Variants in DTX1 observed in about 807,000 individuals in gnomAD.
DTX1 encodes deltex E3 ubiquitin ligase 1, also known as E3 ubiquitin-protein ligase DTX1.
Under a neutral mutation model 57.8 loss-of-function variants are expected in DTX1, and 26 were observed. That is an observed-to-expected ratio of 0.45 (90% confidence interval 0.33 to 0.62). DTX1 has a LOEUF of 0.62. DTX1 is among the 20% of genes least tolerant of loss of function. The pLI is 0.02. For missense variants in DTX1, 704 were observed against 895.3 expected (o/e 0.79, Z 2.73); for synonymous variants, 398 against 394.1 (o/e 1.01, Z -0.12).
At chr12:113,078,311 A>T (rs76129420) in intron 3 of DTX1, among the ~76,000 whole-genome samples, 13,156 of 152,232 alleles carry the variant, frequency 0.086, 1,541 homozygotes, top group African/African-American at 0.26. Context: ...TCCATGCATA[A>T]GGACCCTATG....
intron 2 of DTX1, among the ~76,000 whole-genome samples, chr12:113,076,256 C>T (rs541246869): frequency 4.6e-4 from 69 of 151,124 alleles, no homozygotes; most frequent in African/African-American, 1.6e-3. Flanking sequence ...GTCAGGAGTT[C>T]GAGACCAGCC....
At chr12:113,082,119 C>T (rs2044822601) in intron 3 of DTX1, among the ~76,000 whole-genome samples, 1 of 152,180 alleles carries the variant, frequency 6.6e-6, no homozygotes, top group African/African-American at 2.4e-5. Context: ...TGCCCCTCCC[C>T]TTGGGGACTG....
chr12:113,080,559 A>G (rs1047528486), intron 3 of DTX1, among the ~76,000 whole-genome samples: 7 of 151,526 alleles, frequency 4.6e-5, no homozygotes, highest in African/African-American at 1.7e-4. Flanking sequence ...AAAAGAAATC[A>G]GAAGGTTGTA....
At chr12:113,091,279 A>G (rs1272273306) in intron 3 of DTX1, among the ~76,000 whole-genome samples, 1 of 152,142 alleles carries the variant, frequency 6.6e-6, no homozygotes, top group Non-Finnish European at 1.5e-5. Flanking sequence ...TCCCTGGAAT[A>G]TGTGAGTGTG....
chr12:113,084,163 G>A (rs897722040), intron 3 of DTX1, among the ~76,000 whole-genome samples: 9 of 152,204 alleles, frequency 5.9e-5, no homozygotes. Context: ...GTAACAGACA[G>A]GGCGGGGAGC....
Position 113,095,071 on chromosome 12 carries a change from G to A in DTX1, c.1416G>A (p.Lys472=). ...GCAGCCTGCAGTGCCCCACCTGCAA[G>A]GCCATCTACGGGGAGAAGACGGGTA... ...KDGSLQCPTC[K]AIYGEKTGTQ... Residue 472 remains lysine (K), a synonymous_variant, in exon 8 of 10, where the codon AAG becomes AAA. Transcript: ENST00000548759. The A allele has an allele frequency of 6.2e-7, 1 of 1,613,088 alleles. No homozygotes were observed. The highest frequency in any genetic ancestry group is 8.5e-7 in the Non-Finnish European group (1 of 1,179,136).
intron 2 of DTX1, among the ~76,000 whole-genome samples, chr12:113,072,780 T>G (rs956499803): frequency 6.9e-6 from 1 of 144,672 alleles, no homozygotes; most frequent in African/African-American, 2.5e-5. Context: ...CTCAGCTCAC[T>G]GCAACCTCTG....
chr12:113,077,100 C>A lies in DTX1; in HGVS notation c.260-324C>A, dbSNP rs896373267. ...CACCCCCACCCTGTTTGGTGGCTCT[C>A]CCGCCCCTACGCCCAATCTACTGAC... On this transcript the variant is annotated intron_variant, in intron 2 of 9. Transcript: ENST00000548759. The surrounding 1 kb of genome is among the most constrained non-coding windows in gnomAD (Gnocchi z 7.8). 5.3e-5 allele frequency among the ~76,000 whole-genome samples: 8 copies of A among 152,092 alleles called. No individual in the cohort carries two copies. Among genetic ancestry groups the A allele is most frequent in the Admixed American group, 3.9e-4 (6 of 15,278 alleles).
Position 113,095,345 on chromosome 12 carries a change from C to T in DTX1, c.1569C>T (p.Pro523=), listed in dbSNP as rs61758446. The T allele has an allele frequency of 0.014, 22,649 of 1,614,192 alleles. 400 individuals carry two copies. Among genetic ancestry groups the T allele is most frequent in the South Asian group, 0.056 (5,132 of 91,080 alleles). Residue 523 remains proline (P), a synonymous_variant, in exon 9 of 10, where the codon CCC becomes CCT. Coordinates refer to ENST00000548759, the MANE Select transcript of DTX1 (RefSeq NM_004416.3). ...TGIQGPEHPN[P]GKKFTARGFP... ...TGCAGGGCCCTGAGCACCCCAACCC[C>T]GGGAAGAAGTTCACCGCAAGAGGAT...
chr12:113,073,697 G>A (rs950541929), intron 2 of DTX1, among the ~76,000 whole-genome samples: 2 of 152,188 alleles, frequency 1.3e-5, no homozygotes, highest in Non-Finnish European at 2.9e-5. Flanking sequence ...CCCTGAGTAG[G>A]GACACACCAG....
chr12:113,087,972 TG>T (rs2044874950), intron 3 of DTX1, among the ~76,000 whole-genome samples: 1 of 152,130 alleles, frequency 6.6e-6, no homozygotes, highest in Admixed American at 6.5e-5. Context: ...TAGACAGCCC[TG>T]ATCTACCCTG....
chr12:113,096,457 A>AAAAAAG (rs1566022918), intron 9 of DTX1, among the ~76,000 whole-genome samples: 53 of 146,940 alleles, frequency 3.6e-4, no homozygotes, highest in African/African-American at 1.3e-3. Context: ...AAAAAAAAAA[A>AAAAAAG]AAAAAGAAAA....
At chr12:113,071,324 C>CA (rs2044736671) in intron 2 of DTX1, among the ~76,000 whole-genome samples, 1 of 152,262 alleles carries the variant, frequency 6.6e-6, no homozygotes, top group African/African-American at 2.4e-5. Context: ...CCCCTTTCTC[C>CA]AGTTCAGCTG....
intron 2 of DTX1, among the ~76,000 whole-genome samples, chr12:113,069,439 T>A (rs556744731): frequency 6.6e-6 from 1 of 151,962 alleles, no homozygotes; most frequent in Non-Finnish European, 1.5e-5. Context: ...GCAGACCCCC[T>A]CTCCTCCCCT....
At chr12:113,060,072 C>T (rs563650130) in intron 2 of DTX1, among the ~76,000 whole-genome samples, 1 of 152,102 alleles carries the variant, frequency 6.6e-6, no homozygotes, top group Non-Finnish European at 1.5e-5. Flanking sequence ...GCTAGGTACC[C>T]ACAGAGTGCT....
At chr12:113,069,818 G>A (rs1253907749) in intron 2 of DTX1, among the ~76,000 whole-genome samples, 2 of 152,184 alleles carry the variant, frequency 1.3e-5, no homozygotes, top group African/African-American at 4.8e-5. Context: ...GCACTGCGGA[G>A]CATTCGGTAA....
At chr12:113,075,552 C>A (rs956845074) in intron 2 of DTX1, among the ~76,000 whole-genome samples, 1 of 152,208 alleles carries the variant, frequency 6.6e-6, no homozygotes, top group Non-Finnish European at 1.5e-5. Flanking sequence ...AGAAGTCCTG[C>A]GGCCTGGACC....
intron 2 of DTX1, among the ~76,000 whole-genome samples, chr12:113,064,739 A>T (rs1358500349): frequency 6.6e-6 from 1 of 152,222 alleles, no homozygotes; most frequent in Admixed American, 6.5e-5. Flanking sequence ...CATAAATGAG[A>T]TATGTAGATA....
chr12:113,062,092 C>A (rs964609985), intron 2 of DTX1, among the ~76,000 whole-genome samples: 1 of 150,620 alleles, frequency 6.6e-6, no homozygotes, highest in African/African-American at 2.4e-5. Context: ...GCTGTAAAAC[C>A]CAAAACTCAT....
Sources: allele counts gnomAD v4.1 joint callset (sites outside exome capture counted in the v4.1 genomes callset), GRCh38; gene constraint gnomAD v4.1.1; non-coding constraint Gnocchi (gnomAD v3.1); transcripts MANE v1.5; gene names NCBI Gene and HGNC (gene_info 2026-07-23, HGNC 2026-07-21).